Variants in EPHB2 observed in about 807,000 individuals in gnomAD.
The protein encoded by EPHB2 is ephrin type-B receptor 2.
EPHB2 carries 18 observed loss-of-function variants against 96.4 expected under a neutral mutation model. The ratio of observed to expected loss-of-function variants is 0.19; its 90% CI spans 0.13 to 0.28. EPHB2 has a LOEUF of 0.28. Ranked by LOEUF, EPHB2 falls within the 10% of genes least tolerant of loss-of-function variation. EPHB2 has a pLI of 1.00. For synonymous variants in EPHB2, 506 were observed against 534.1 expected, an observed-to-expected ratio of 0.95 and a Z score of 0.72; for missense variants, 989 against 1,355.4, an observed-to-expected ratio of 0.73 and a Z score of 4.25.
At chr1:22,800,702 A>ATGTG (rs59671872) in intron 3 of EPHB2, among the ~76,000 whole-genome samples, 1,972 of 148,824 alleles carry the variant, frequency 0.013, 15 homozygotes, top group South Asian at 0.03. Context: ...GTGTGAGTAT[A>ATGTG]TGTGTGTGTG....
chr1:22,899,176 A>G (rs974319156), intron 9 of EPHB2, among the ~76,000 whole-genome samples: 2 of 145,914 alleles, frequency 1.4e-5, no homozygotes, highest in African/African-American at 5.2e-5. Flanking sequence ...CTGGGCAGCA[A>G]GTACAAAACG....
intron 1 of EPHB2, among the ~76,000 whole-genome samples, chr1:22,748,747 C>CAT (rs137921498): frequency 0.061 from 9,080 of 149,932 alleles, 785 homozygotes; most frequent in African/African-American, 0.19. Flanking sequence ...TAAACACACA[C>CAT]ATATATGATA....
At chr1:22,779,208 C>A (rs371887176) in intron 1 of EPHB2, among the ~76,000 whole-genome samples, 8 of 152,192 alleles carry the variant, frequency 5.3e-5, no homozygotes, top group Admixed American at 3.3e-4. Context: ...GAAAAGGAAC[C>A]CTTTTTTCAG....
intron 1 of EPHB2, among the ~76,000 whole-genome samples, chr1:22,728,210 GC>G (rs1643626807): frequency 6.6e-6 from 1 of 151,894 alleles, no homozygotes; most frequent in Non-Finnish European, 1.5e-5. Flanking sequence ...CTTAGCAGGT[GC>G]TCAGTAAAAA....
At chr1:22,839,254 G>A (rs1275125402) in intron 3 of EPHB2, among the ~76,000 whole-genome samples, 1 of 152,210 alleles carries the variant, frequency 6.6e-6, no homozygotes, top group Non-Finnish European at 1.5e-5. Flanking sequence ...ATTGGTCAGA[G>A]TTGGAGGGCA....
chr1:22,721,498 C>T (rs918682869), intron 1 of EPHB2, among the ~76,000 whole-genome samples: 3 of 152,152 alleles, frequency 2.0e-5, no homozygotes, highest in Non-Finnish European at 2.9e-5. Flanking sequence ...TAATAGTGCC[C>T]CCAGTAAGAG....
chr1:22,775,734 G>T (rs1354291757), intron 1 of EPHB2, among the ~76,000 whole-genome samples: 1 of 152,264 alleles, frequency 6.6e-6, no homozygotes, highest in East Asian at 1.9e-4. Flanking sequence ...AGGAGAGGGG[G>T]TGTGGGTACG....
chr1:22,821,549 C>G (rs147155907), intron 3 of EPHB2, among the ~76,000 whole-genome samples: 1 of 152,192 alleles, frequency 6.6e-6, no homozygotes, highest in Non-Finnish European at 1.5e-5. Flanking sequence ...GAATCATGTT[C>G]GGAAGCCTGT....
intron 6 of EPHB2, chr1:22,891,320 T>A: frequency 2.5e-6 from 1 of 397,656 alleles, no homozygotes; most frequent in South Asian, 1.9e-5. Flanking sequence ...GTGCACTCTG[T>A]GATGTGTGTG....
At chr1:22,851,083 C>T (rs1645619316) in intron 3 of EPHB2, among the ~76,000 whole-genome samples, 1 of 152,330 alleles carries the variant, frequency 6.6e-6, no homozygotes, top group African/African-American at 2.4e-5. Flanking sequence ...CAACCTGAAC[C>T]TCCCAGGCTC....
intron 6 of EPHB2, among the ~76,000 whole-genome samples, chr1:22,885,368 T>A (rs1020855909): frequency 2.0e-5 from 3 of 152,260 alleles, no homozygotes; most frequent in African/African-American, 7.2e-5. Flanking sequence ...CTGGGGAGGC[T>A]GCTGGAGGTG....
intron 3 of EPHB2, among the ~76,000 whole-genome samples, chr1:22,800,721 T>TGC (rs1644830238): frequency 1.3e-5 from 2 of 151,856 alleles, no homozygotes; most frequent in African/African-American, 4.8e-5. Context: ...TGTGTGTGTG[T>TGC]GTGCACGCAC....
intron 3 of EPHB2, among the ~76,000 whole-genome samples, chr1:22,840,808 C>T (rs532972374): frequency 2.6e-5 from 4 of 152,266 alleles, no homozygotes; most frequent in Non-Finnish European, 4.4e-5. Context: ...CCACCCATTC[C>T]GTGCAGACAC....
At chr1:22,711,501 G>A (rs1570128266) in intron 1 of EPHB2, among the ~76,000 whole-genome samples, 1 of 150,908 alleles carries the variant, frequency 6.6e-6, no homozygotes, top group Non-Finnish European at 1.5e-5. Context: ...ACCGCGGCCG[G>A]CCGGGGTGGG....
At chr1:22,724,790 G>C (rs923200076) in intron 1 of EPHB2, among the ~76,000 whole-genome samples, 2 of 152,164 alleles carry the variant, frequency 1.3e-5, no homozygotes, top group Non-Finnish European at 2.9e-5. Flanking sequence ...ATAGAGTCCG[G>C]TGGACTTGGA....
chr1:22,713,941 G>A (rs145683014), intron 1 of EPHB2, among the ~76,000 whole-genome samples: 4 of 152,334 alleles, frequency 2.6e-5, no homozygotes, highest in Non-Finnish European at 4.4e-5. Context: ...GTGAAGTGGC[G>A]GCGAGCAGGA....
At chr1:22,886,872 C>T (rs1252683475) in intron 6 of EPHB2, among the ~76,000 whole-genome samples, 1 of 152,010 alleles carries the variant, frequency 6.6e-6, no homozygotes, top group Non-Finnish European at 1.5e-5. Flanking sequence ...GTGATCCGCC[C>T]ACCTCAGCCA....
intron 6 of EPHB2, among the ~76,000 whole-genome samples, chr1:22,888,202 C>T (rs1425678067): frequency 6.6e-6 from 1 of 151,998 alleles, no homozygotes; most frequent in Non-Finnish European, 1.5e-5. Context: ...CCACCACGCT[C>T]GGCTAATTTT....
intron 1 of EPHB2, among the ~76,000 whole-genome samples, chr1:22,718,308 A>G (rs1003104166): frequency 2.1e-5 from 3 of 142,282 alleles, no homozygotes; most frequent in Non-Finnish European, 4.5e-5. Flanking sequence ...TCATGGCTGT[A>G]CCCTCCTTCT....
Sources: gnomAD v4.1 joint callset for allele counts (sites outside exome capture counted in the v4.1 genomes callset) on GRCh38, gnomAD v4.1.1 for gene constraint, MANE v1.5 for transcripts, NCBI Gene and HGNC (gene_info 2026-07-23, HGNC 2026-07-21) for gene names.